Variants in DAGLB observed in about 807,000 individuals in gnomAD.
DAGLB encodes the protein diacylglycerol lipase-beta.
DAGLB carries 66 observed loss-of-function variants against 72.1 expected under a neutral mutation model. The observed-to-expected ratio is 0.92, with a 90% CI of 0.75 to 1.12. The LOEUF (loss-of-function observed/expected upper bound fraction) is 1.12. DAGLB is among the 50% of genes most tolerant of loss of function. DAGLB has a pLI of 0.00. For synonymous variants in DAGLB, 414 were observed against 359.5 expected (o/e 1.15, Z -1.71); for missense variants, 1,065 against 884.9 (o/e 1.20, Z -2.58).
At position 6,410,384 on chromosome 7, in the gene DAGLB, A is replaced by T; in HGVS notation, c.1570-4T>A. 4 of 1,605,552 alleles carry T rather than the reference A, an allele frequency of 2.5e-6. No homozygotes were observed. The highest frequency in any genetic ancestry group is 3.4e-6 in the Non-Finnish European group (4 of 1,174,826). Reference sequence around the variant, plus strand: ...AACCGTGCAGCAAGATCTTGTACTGAGGGCGAGACCCAATCAGTAGAATGC... The same window carrying T: ...AACCGTGCAGCAAGATCTTGTACTGTGGGCGAGACCCAATCAGTAGAATGC... On this transcript the variant is annotated splice_region_variant and splice_polypyrimidine_tract_variant and intron_variant, in intron 13 of 14. Coordinates refer to ENST00000297056, the MANE Select transcript of DAGLB (RefSeq NM_139179.4).
At chr7:6,418,338 CAG>C (rs1482278869) in intron 9 of DAGLB, among the ~76,000 whole-genome samples, 1 of 151,954 alleles carries the variant, frequency 6.6e-6, no homozygotes, top group Admixed American at 6.6e-5. Context: ...CACTGCACTC[CAG>C]CCTGGGTGGC....
At chr7:6,419,115 AG>A (rs1333396668) in intron 9 of DAGLB, among the ~76,000 whole-genome samples, 1 of 125,896 alleles carries the variant, frequency 7.9e-6, no homozygotes, top group Non-Finnish European at 1.6e-5. Flanking sequence ...ACGGAGTCTC[AG>A]GTTCAAGCGA....
At chr7:6,438,674 T>C (rs1026679328) in intron 2 of DAGLB, among the ~76,000 whole-genome samples, 12 of 152,184 alleles carry the variant, frequency 7.9e-5, no homozygotes, top group African/African-American at 2.9e-4. Context: ...CAACTGCTGA[T>C]ACTGCATTAA....
chr7:6,432,912 A>G lies in DAGLB; in HGVS notation c.726T>C (p.Leu242=). The change falls in exon 5 of 15, where the codon CTT becomes CTC. Residue 242 remains leucine, a synonymous_variant. Transcript: ENST00000297056. ...TCCTGATATTGTCCTGTTGCTGATG[A>G]AGCAGGGCGAGGCCCGCCGCAATGT... The part of the protein sequence containing the change: ...PSDIAAGLAL[L]HQQQDNIRNN... The G allele has an allele frequency of 6.2e-7, 1 of 1,613,812 alleles. No individual in the cohort carries two copies. The highest frequency in any genetic ancestry group is 8.5e-7 in the Non-Finnish European group (1 of 1,179,970).
intron 2 of DAGLB, chr7:6,445,624 T>C (rs66516944): frequency 0.034 from 5,724 of 166,580 alleles, 268 homozygotes; most frequent in African/African-American, 0.11. Flanking sequence ...AACATAATTT[T>C]CTCTATTTTT....
At chr7:6,423,224 T>G (rs967336252) in intron 8 of DAGLB, among the ~76,000 whole-genome samples, 1 of 152,052 alleles carries the variant, frequency 6.6e-6, no homozygotes, top group Non-Finnish European at 1.5e-5. Context: ...TACTCCACCC[T>G]GGGCAACAGA....
intron 5 of DAGLB, among the ~76,000 whole-genome samples, chr7:6,431,396 A>C (rs1784484715): frequency 6.6e-6 from 1 of 152,190 alleles, no homozygotes; most frequent in African/African-American, 2.4e-5. Context: ...ACCCAGGGAG[A>C]ATCGCAGTCC....
intron 2 of DAGLB, among the ~76,000 whole-genome samples, chr7:6,440,893 T>C (rs967098236): frequency 2.0e-5 from 3 of 151,814 alleles, no homozygotes; most frequent in African/African-American, 7.3e-5. Context: ...AGTCAATCAA[T>C]CATTTATATT....
At chr7:6,436,283 A>G in intron 3 of DAGLB, 79 bp downstream of exon 3, 2 of 1,506,446 alleles carry the variant, frequency 1.3e-6, no homozygotes, top group Non-Finnish European at 1.8e-6. Context: ...GGGACGCTGG[A>G]CTCTCTGTCA....
intron 2 of DAGLB, among the ~76,000 whole-genome samples, chr7:6,441,313 A>T (rs1270611864): frequency 6.8e-6 from 1 of 147,480 alleles, no homozygotes; most frequent in South Asian, 2.2e-4. Context: ...GGATGGTCTC[A>T]ATCTCCTCAC....
chr7:6,442,797 A>T (rs1784873108), intron 2 of DAGLB, among the ~76,000 whole-genome samples: 1 of 152,124 alleles, frequency 6.6e-6, no homozygotes. Flanking sequence ...TCACACCTGT[A>T]ATACCAGCAC....
intron 2 of DAGLB, among the ~76,000 whole-genome samples, chr7:6,437,139 G>C (rs867815058): frequency 2.8e-5 from 4 of 141,046 alleles, no homozygotes; most frequent in African/African-American, 1.0e-4. Context: ...GGGTGACAGA[G>C]CAAGACTCCG....
intron 11 of DAGLB, among the ~76,000 whole-genome samples, chr7:6,414,135 C>G (rs978929762): frequency 6.6e-6 from 1 of 152,050 alleles, no homozygotes; most frequent in African/African-American, 2.4e-5. Context: ...CTCAGCCTCC[C>G]AAGCAGCTGG....
intron 1 of DAGLB, among the ~76,000 whole-genome samples, chr7:6,447,026 A>G (rs1277903213): frequency 6.6e-6 from 1 of 152,016 alleles, no homozygotes; most frequent in African/African-American, 2.4e-5. Context: ...ATAAAAAGAA[A>G]AGGGGTCTCA....
intron 6 of DAGLB, among the ~76,000 whole-genome samples, chr7:6,428,590 G>C (rs1326707554): frequency 1.3e-5 from 2 of 151,448 alleles, no homozygotes; most frequent in Non-Finnish European, 2.9e-5. Flanking sequence ...TGGTTCAAGC[G>C]ATTCTCCTGC....
At position 6,413,025 on chromosome 7, in the gene DAGLB, C is replaced by G; in HGVS notation, c.1437G>C (p.Leu479=). 6.2e-7 allele frequency: 1 copy of G among 1,613,090 alleles called. No individual in the cohort carries two copies. Among genetic ancestry groups the G allele is most frequent in the South Asian group, 1.1e-5 (1 of 91,060 alleles). ...CGATGAAGCTCTGAGAATATTCCTG[C>G]AGAGCTTTGCTGAAATTCCAAACAG... ...SPPRGLWSKA[L]QEYSQSFIVS... Residue 479 remains leucine (L), a synonymous_variant, in exon 12 of 15, where the codon CTG becomes CTC. Coordinates refer to ENST00000297056, the MANE Select transcript of DAGLB (RefSeq NM_139179.4).
intron 2 of DAGLB, among the ~76,000 whole-genome samples, chr7:6,437,113 C>T (rs1227789349): frequency 2.0e-5 from 3 of 150,400 alleles, no homozygotes; most frequent in Non-Finnish European, 3.0e-5. Context: ...GAGATTGCGC[C>T]ACTGCACTCT....
chr7:6,443,249 TAAAAAAAAAA>T (rs60124255), intron 2 of DAGLB, among the ~76,000 whole-genome samples: 2 of 78,158 alleles, frequency 2.6e-5, no homozygotes, highest in African/African-American at 4.4e-5. Flanking sequence ...TTGTCTCTAC[TAAAAAAAAAA>T]AAAAAAAAAA....
intron 2 of DAGLB, among the ~76,000 whole-genome samples, chr7:6,443,189 GA>G (rs1158817173): frequency 1.0e-3 from 80 of 80,140 alleles, no homozygotes; most frequent in African/African-American, 3.2e-3. Flanking sequence ...ACTCCATCCG[GA>G]AAAAAAAAAC....
Sources: allele counts gnomAD v4.1 joint callset (sites outside exome capture counted in the v4.1 genomes callset), GRCh38; gene constraint gnomAD v4.1.1; transcripts MANE v1.5; gene names NCBI Gene and HGNC (gene_info 2026-07-23, HGNC 2026-07-21).